The following FGGY variants were observed in gnomAD, a reference collection of about 807,000 sequenced individuals.
The protein encoded by FGGY is FGGY carbohydrate kinase domain-containing protein.
FGGY carries 72 observed loss-of-function variants against 71.3 expected under a neutral mutation model. That is an observed-to-expected ratio of 1.01 (90% CI 0.84 to 1.23). The LOEUF (loss-of-function observed/expected upper bound fraction) is 1.23, where lower values mean the gene tolerates loss of function less well. Among genes scored for constraint, FGGY ranks in the 50% most tolerant of loss-of-function variants. FGGY has a pLI of 0.00. For synonymous variants in FGGY, 251 were observed against 250.3 expected, an observed-to-expected ratio of 1.00 and a Z score of -0.02; for missense variants, 668 against 682.3, an observed-to-expected ratio of 0.98 and a Z score of 0.23.
At chr1:59,553,280 G>T (rs775954292) in intron 7 of FGGY, among the ~76,000 whole-genome samples, 1 of 152,216 alleles carries the variant, frequency 6.6e-6, no homozygotes, top group African/African-American at 2.4e-5. Context: ...AAGTCTGCGT[G>T]TTTGTGGCTT....
chr1:59,366,169 G>A (rs1393082813), intron 4 of FGGY, among the ~76,000 whole-genome samples: 2 of 152,210 alleles, frequency 1.3e-5, no homozygotes, highest in South Asian at 2.1e-4. Flanking sequence ...TACAAGAAGA[G>A]CAAAGCCCTT....
At chr1:59,357,942 C>A (rs139731427) in intron 4 of FGGY, among the ~76,000 whole-genome samples, 78 of 152,280 alleles carry the variant, frequency 5.1e-4, no homozygotes, top group African/African-American at 1.7e-3. Flanking sequence ...TGAAGTTAGG[C>A]TTGCTTTATG....
At chr1:59,721,833 A>G (rs988445061) in intron 14 of FGGY, among the ~76,000 whole-genome samples, 2 of 152,236 alleles carry the variant, frequency 1.3e-5, no homozygotes, top group African/African-American at 4.8e-5. Context: ...TGAACAAGTT[A>G]GCATTAGCTG....
intron 7 of FGGY, among the ~76,000 whole-genome samples, chr1:59,519,383 T>C (rs1009454807): frequency 2.6e-5 from 4 of 152,082 alleles, no homozygotes; most frequent in African/African-American, 7.2e-5. Context: ...GTAAAGAAAA[T>C]AGACAAGTAA....
intron 8 of FGGY, among the ~76,000 whole-genome samples, chr1:59,596,042 C>T (rs2096519696): frequency 6.6e-6 from 1 of 152,168 alleles, no homozygotes; most frequent in African/African-American, 2.4e-5. Context: ...TTAGCGTGAT[C>T]TTTTATAGAG....
intron 14 of FGGY, among the ~76,000 whole-genome samples, chr1:59,723,500 C>T (rs1348000736): frequency 6.8e-6 from 1 of 147,840 alleles, no homozygotes; most frequent in Non-Finnish European, 1.5e-5. Context: ...TTGCAGAATA[C>T]AACTTTATTA....
At chr1:59,302,085 A>G (rs2042845159) in intron 1 of FGGY, among the ~76,000 whole-genome samples, 1 of 151,746 alleles carries the variant, frequency 6.6e-6, no homozygotes, top group African/African-American at 2.4e-5. Flanking sequence ...AATTACATTT[A>G]TTGGTTTTTT....
rs570636622 is a variant in FGGY, at chr1:59,619,756, T to C, written c.1012-6232T>C. Reference sequence around the variant, plus strand: ...AATAATGAGCGGAGGAGTGATGTGATATGACAGGTTTTCAAAGAATCATTC... The same window carrying C: ...AATAATGAGCGGAGGAGTGATGTGACATGACAGGTTTTCAAAGAATCATTC... On this transcript the variant is annotated intron_variant, in intron 9 of 15. Transcript: ENST00000303721. Among the ~76,000 whole-genome samples, 29 of 152,106 alleles carry C rather than the reference T, an allele frequency of 1.9e-4. 1 individual carries two copies. The highest frequency in any genetic ancestry group is 3.4e-4 in the Non-Finnish European group (23 of 67,940).
intron 14 of FGGY, among the ~76,000 whole-genome samples, chr1:59,679,727 A>G (rs992894419): frequency 6.6e-6 from 1 of 152,178 alleles, no homozygotes; most frequent in Non-Finnish European, 1.5e-5. Context: ...TACAATGCAT[A>G]AAGTTTTATC....
intron 4 of FGGY, among the ~76,000 whole-genome samples, chr1:59,353,747 A>T (rs1423596919): frequency 6.6e-6 from 1 of 152,184 alleles, no homozygotes; most frequent in Non-Finnish European, 1.5e-5. Flanking sequence ...AAGCTCAAAA[A>T]AGTTAAATAA....
At chr1:59,437,264 G>A (rs1038395202) in intron 5 of FGGY, among the ~76,000 whole-genome samples, 36 of 152,176 alleles carry the variant, frequency 2.4e-4, no homozygotes, top group African/African-American at 8.4e-4. Flanking sequence ...TGGTGTTTGG[G>A]AGCCAGTTGT....
intron 6 of FGGY, among the ~76,000 whole-genome samples, chr1:59,501,309 C>A (rs2094215342): frequency 6.6e-6 from 1 of 151,832 alleles, no homozygotes; most frequent in Non-Finnish European, 1.5e-5. Context: ...AATTTTGTGT[C>A]AAATAAATCC....
At chr1:59,629,863 G>C (rs1044230069) in intron 10 of FGGY, among the ~76,000 whole-genome samples, 3 of 152,174 alleles carry the variant, frequency 2.0e-5, no homozygotes, top group Non-Finnish European at 4.4e-5. Context: ...GAGTTTAGAA[G>C]AGGTAATATA....
chr1:59,506,867 AAAG>A (rs1292859989), intron 6 of FGGY, among the ~76,000 whole-genome samples: 2 of 152,178 alleles, frequency 1.3e-5, no homozygotes, highest in African/African-American at 4.8e-5. Flanking sequence ...AGGAAAGAAA[AAAG>A]AAATCACTCA....
chr1:59,731,745 A>T (rs761480654), intron 14 of FGGY, among the ~76,000 whole-genome samples: 3 of 152,068 alleles, frequency 2.0e-5, no homozygotes, highest in Non-Finnish European at 4.4e-5. Context: ...TCTGGATTGG[A>T]TAAAGTTGAG....
intron 8 of FGGY, among the ~76,000 whole-genome samples, chr1:59,582,628 T>A (rs1221791797): frequency 2.0e-5 from 3 of 150,020 alleles, no homozygotes; most frequent in African/African-American, 7.6e-5. Flanking sequence ...ATCCTCTCGC[T>A]GGAAGCTTTC....
chr1:59,332,549 A>G (rs1299819260), intron 2 of FGGY, among the ~76,000 whole-genome samples: 1 of 152,064 alleles, frequency 6.6e-6, no homozygotes, highest in Non-Finnish European at 1.5e-5. Flanking sequence ...ATTTCCTTGT[A>G]AGGCTGGGGA....
In FGGY at chr1:59,717,260, T is replaced by A. The variant is rs553927985; in HGVS notation, c.1513-40671T>A. On this transcript the variant is annotated intron_variant, in intron 14 of 15. Coordinates refer to ENST00000303721, the MANE Select transcript of FGGY (RefSeq NM_018291.5). ...TTGTCGTTGAGATTTTATAGGGTAA[T>A]CTATATACCCTATAAACCCATTTAA... is the stretch of plus-strand genomic sequence containing the variant. 3.9e-5 allele frequency among the ~76,000 whole-genome samples: 6 copies of A among 152,212 alleles called. No homozygotes were observed. In the South Asian group the frequency reaches 1.0e-3, roughly 26 times the overall value.
chr1:59,551,716 T>TG (rs2095611095), intron 7 of FGGY, among the ~76,000 whole-genome samples: 1 of 152,164 alleles, frequency 6.6e-6, no homozygotes, highest in African/African-American at 2.4e-5. Flanking sequence ...ATGACCCTGG[T>TG]GAAGTTACTA....
Sources: gnomAD v4.1 joint callset for allele counts (sites outside exome capture counted in the v4.1 genomes callset) on GRCh38, gnomAD v4.1.1 for gene constraint, MANE v1.5 for transcripts, NCBI Gene and HGNC (gene_info 2026-07-23, HGNC 2026-07-21) for gene names.